The following ANO1 variants were observed in gnomAD, a reference collection of about 807,000 sequenced individuals.
ANO1 encodes the protein anoctamin-1.
In ANO1, 59 loss-of-function variants were observed where a neutral mutation model predicts 124.0. The observed-to-expected ratio is 0.48, with a 90% CI of 0.39 to 0.59. ANO1 has a LOEUF of 0.59. Among genes scored for constraint, ANO1 ranks in the 20% least tolerant of loss-of-function variants. ANO1 has a pLI of 0.00. For missense variants in ANO1, 1,059 were observed against 1,328.0 expected (o/e 0.80, Z 3.15); for synonymous variants, 529 against 532.0 (o/e 0.99, Z 0.08).
chr11:70,179,273 G>C (rs1003100494), intron 22 of ANO1, among the ~76,000 whole-genome samples: 1 of 152,248 alleles, frequency 6.6e-6, no homozygotes, highest in Non-Finnish European at 1.5e-5. Context: ...GCATGATAGG[G>C]TGCAGTTAGG....
chr11:70,027,614 G>A (rs782718454), intron 1 of ANO1, among the ~76,000 whole-genome samples: 5 of 152,198 alleles, frequency 3.3e-5, no homozygotes, highest in East Asian at 1.9e-4. Flanking sequence ...ACAGGATCTC[G>A]CACACAGTAG....
the ANO1 span, among the ~76,000 whole-genome samples, chr11:69,979,303 TC>T: frequency 6.6e-6 from 1 of 152,320 alleles, no homozygotes; most frequent in Admixed American, 6.5e-5. Flanking sequence ...CCATGCCAAT[TC>T]CAAATTCCAG....
At chr11:70,118,177 C>A (rs1246729518) in intron 8 of ANO1, among the ~76,000 whole-genome samples, 3 of 152,184 alleles carry the variant, frequency 2.0e-5, no homozygotes, top group African/African-American at 7.2e-5. Context: ...GTCACAGGCC[C>A]CTGAACCCTA....
At chr11:70,148,093 A>T (rs2047451434) in intron 11 of ANO1, among the ~76,000 whole-genome samples, 1 of 151,962 alleles carries the variant, frequency 6.6e-6, no homozygotes, top group Non-Finnish European at 1.5e-5. Flanking sequence ...TAGACTCACG[A>T]CCTCTGAACC....
intron 18 of ANO1, 105 bp downstream of exon 18, chr11:70,161,838 C>A: frequency 9.3e-7 from 1 of 1,070,074 alleles, no homozygotes; most frequent in Non-Finnish European, 1.4e-6. Flanking sequence ...GCAGGGCAGA[C>A]ACCGTGGCAC....
chr11:70,058,459 A>C (rs781827596), intron 1 of ANO1, among the ~76,000 whole-genome samples: 2 of 152,232 alleles, frequency 1.3e-5, no homozygotes, highest in East Asian at 3.8e-4. Context: ...CTGGGCCTGA[A>C]GGATTAATAA....
At chr11:70,155,461 T>C (rs1418946146) in intron 14 of ANO1, among the ~76,000 whole-genome samples, 2 of 152,224 alleles carry the variant, frequency 1.3e-5, no homozygotes, top group Non-Finnish European at 2.9e-5. Context: ...TGCTCTGCGG[T>C]TTTGATTTCC....
chr11:70,107,625 CCA>C (rs2045611321), intron 5 of ANO1, among the ~76,000 whole-genome samples: 1 of 152,180 alleles, frequency 6.6e-6, no homozygotes, highest in South Asian at 2.1e-4. Context: ...TCTTCTCACC[CCA>C]GTTTACAGAT....
At chr11:70,000,263 A>T (rs7119227) in intron 1 of ANO1, among the ~76,000 whole-genome samples, 74,202 of 151,230 alleles carry the variant, frequency 0.49, 19,404 homozygotes, top group East Asian at 0.89. Flanking sequence ...GAGGAAGAAA[A>T]TGGAATGTGA....
At chr11:70,107,898 C>A (rs2135387148) in intron 5 of ANO1, among the ~76,000 whole-genome samples, 1 of 152,342 alleles carries the variant, frequency 6.6e-6, no homozygotes, top group African/African-American at 2.4e-5. Context: ...GCCCGCCCCA[C>A]CACCACCACC....
At chr11:70,096,500 G>T (rs2044969520) in intron 2 of ANO1, among the ~76,000 whole-genome samples, 1 of 152,158 alleles carries the variant, frequency 6.6e-6, no homozygotes, top group Non-Finnish European at 1.5e-5. Flanking sequence ...ACCCTGTTAT[G>T]AACAGTGCAT....
At chr11:70,070,201 A>C (rs546271631) in intron 1 of ANO1, among the ~76,000 whole-genome samples, 1 of 151,970 alleles carries the variant, frequency 6.6e-6, no homozygotes, top group Non-Finnish European at 1.5e-5. Context: ...GGCTCACGTC[A>C]TTTTCAGCAT....
At chr11:70,025,836 A>ATGG (rs1856890755) in intron 1 of ANO1, among the ~76,000 whole-genome samples, 1 of 92,758 alleles carries the variant, frequency 1.1e-5, no homozygotes, top group African/African-American at 4.7e-5. Context: ...GGTGGTGGTG[A>ATGG]TGATGATGAT....
intron 1 of ANO1, among the ~76,000 whole-genome samples, chr11:70,062,510 G>C (rs1478468373): frequency 6.6e-6 from 1 of 152,242 alleles, no homozygotes; most frequent in African/African-American, 2.4e-5. Flanking sequence ...CTGAGAACTT[G>C]TGTGCATGGG....
Position 70,187,888 on chromosome 11 carries a change from A to G in ANO1, c.2845A>G (p.Met949Val). The G allele has an allele frequency of 6.2e-7, 1 of 1,602,906 alleles. No homozygotes were observed. The highest frequency in any genetic ancestry group is 8.5e-7 in the Non-Finnish European group (1 of 1,175,282). The change falls in exon 26 of 26, where the codon ATG becomes GTG. Residue 949 changes from methionine (M) to valine (V), a missense_variant. Physicochemically the swap from Met to Val is conservative, Grantham distance 21. Transcript: ENST00000355303. ...QDKQQLLETW[M>V]EKERQKDEPP... ...CAAGCAGCAGCTGCTGGAAACCTGG[A>G]TGGAGAAGGAGCGGCAGAAGGACGA...
At chr11:69,999,641 G>A (rs1554998913) in intron 1 of ANO1, among the ~76,000 whole-genome samples, 2 of 152,134 alleles carry the variant, frequency 1.3e-5, no homozygotes. Context: ...TAAACGCCAG[G>A]GGAAAAGGGC....
Position 70,156,978 on chromosome 11 carries a change from G to C in ANO1, c.1535G>C (p.Arg512Pro). 6.2e-7 allele frequency: 1 copy of C among 1,613,666 alleles called. No individual in the cohort carries two copies. Among genetic ancestry groups the C allele is most frequent in the Non-Finnish European group, 8.5e-7 (1 of 1,179,816 alleles). ...AAAGTGAAGCTGACATGGAGAGATCGGTTCCCAGCCTACCTCACTAACTTG... is the reference window on the plus strand; with the variant it reads ...AAAGTGAAGCTGACATGGAGAGATCCGTTCCCAGCCTACCTCACTAACTTG... ...TDKVKLTWRD[R>P]FPAYLTNLVS... Residue 512 changes from arginine to proline, a missense_variant, in exon 16 of 26, where the codon CGG becomes CCG. Around this residue, in one of 2 missense-constraint regions of ANO1, gnomAD observed 809 missense variants for 1,094.9 expected, o/e 0.74. Transcript: ENST00000355303.
At chr11:70,058,212 G>A (rs1187719254) in intron 1 of ANO1, among the ~76,000 whole-genome samples, 2 of 152,202 alleles carry the variant, frequency 1.3e-5, no homozygotes, top group African/African-American at 4.8e-5. Context: ...TAAGAATTGG[G>A]AGGACCCAGG....
At chr11:70,062,324 G>A (rs571270214) in intron 1 of ANO1, among the ~76,000 whole-genome samples, 24 of 152,216 alleles carry the variant, frequency 1.6e-4, no homozygotes, top group South Asian at 1.0e-3. Context: ...TGATCCATCC[G>A]CTTCGGCCTC....
Sources: gnomAD v4.1 joint callset for allele counts (sites outside exome capture counted in the v4.1 genomes callset) on GRCh38, gnomAD v4.1.1 for gene constraint, gnomAD v4.1.1 regional missense constraint, MANE v1.5 for transcripts, NCBI Gene and HGNC (gene_info 2026-07-23, HGNC 2026-07-21) for gene names.